The following NINJ2 variants were observed in gnomAD, a reference collection of about 807,000 sequenced individuals.
NINJ2 encodes ninjurin 2, also known as ninjurin-2.
Under a neutral mutation model 11.7 loss-of-function variants are expected in NINJ2, and 12 were observed. That is an observed-to-expected ratio of 1.02 (90% CI 0.66 to 1.66). NINJ2 has a LOEUF of 1.66. NINJ2 is among the 40% of genes most tolerant of loss of function. The pLI, the probability that NINJ2 is intolerant of heterozygous loss-of-function variation, is 0.00. For synonymous variants in NINJ2, 93 were observed against 76.8 expected (o/e 1.21, Z -1.10); for missense variants, 187 against 181.8 (o/e 1.03, Z -0.16).
intron 1 of NINJ2, among the ~76,000 whole-genome samples, chr12:612,857 G>T (rs368733356): frequency 6.6e-6 from 1 of 152,124 alleles, no homozygotes; most frequent in Non-Finnish European, 1.5e-5. Flanking sequence ...GGTCCTCTCC[G>T]TCACTGCAAT....
intron 1 of NINJ2, among the ~76,000 whole-genome samples, chr12:613,389 C>T (rs1948056876): frequency 6.6e-6 from 1 of 151,964 alleles, no homozygotes; most frequent in South Asian, 2.1e-4. Context: ...AGGTGGATCA[C>T]CTGAGGTCAG....
chr12:588,039 T>G (rs1297092044), intron 1 of NINJ2, among the ~76,000 whole-genome samples: 1 of 152,014 alleles, frequency 6.6e-6, no homozygotes, highest in East Asian at 1.9e-4. Flanking sequence ...GCCAACATAG[T>G]CCCCAGACCA....
intron 1 of NINJ2, among the ~76,000 whole-genome samples, chr12:616,182 T>C (rs1187691733): frequency 6.6e-6 from 1 of 152,154 alleles, no homozygotes; most frequent in Admixed American, 6.5e-5. Flanking sequence ...CAAAGTCCTA[T>C]AGTCAGGAAA....
intron 1 of NINJ2, chr12:632,298 CTCTTT>C (rs2120436745): frequency 6.6e-6 from 1 of 152,312 alleles, no homozygotes; most frequent in Admixed American, 6.5e-5. Context: ...GAAAACAAAT[CTCTTT>C]TCTTTGTTTG....
At chr12:652,919 C>T (rs1035349459) in intron 1 of NINJ2, among the ~76,000 whole-genome samples, 8 of 149,670 alleles carry the variant, frequency 5.3e-5, no homozygotes, top group African/African-American at 2.0e-4. Flanking sequence ...TGCACTGCAG[C>T]CTGGGCAACA....
intron 1 of NINJ2, among the ~76,000 whole-genome samples, chr12:661,969 G>A (rs1049836840): frequency 2.0e-5 from 3 of 152,238 alleles, no homozygotes; most frequent in Non-Finnish European, 4.4e-5. Flanking sequence ...TTGTGTCCTA[G>A]TGAGAGTGAC....
At chr12:575,790 C>G (rs1403618992) in intron 1 of NINJ2, among the ~76,000 whole-genome samples, 2 of 152,214 alleles carry the variant, frequency 1.3e-5, no homozygotes, top group East Asian at 3.8e-4. Flanking sequence ...GCTTCAGGCA[C>G]AGTGGCTTCT....
chr12:576,187 C>G (rs1046790260), intron 1 of NINJ2, among the ~76,000 whole-genome samples: 12 of 152,208 alleles, frequency 7.9e-5, no homozygotes, highest in African/African-American at 1.2e-4. Flanking sequence ...GCCCTTGCCC[C>G]GAGCTGCAAA....
chr12:600,975 A>G (rs953923218), intron 1 of NINJ2, among the ~76,000 whole-genome samples: 2 of 152,234 alleles, frequency 1.3e-5, no homozygotes, highest in Non-Finnish European at 2.9e-5. Context: ...TGAACTCTCA[A>G]TAGTTAAAAC....
intron 1 of NINJ2, among the ~76,000 whole-genome samples, chr12:642,050 C>T (rs541346499): frequency 2.0e-5 from 3 of 152,302 alleles, no homozygotes; most frequent in East Asian, 1.9e-4. Flanking sequence ...GCCCGTATTT[C>T]GGTTTGACAG....
chr12:648,692 G>A (rs999034354), intron 1 of NINJ2, among the ~76,000 whole-genome samples: 1 of 152,186 alleles, frequency 6.6e-6, no homozygotes, highest in Admixed American at 6.5e-5. Flanking sequence ...CTTCTGCACA[G>A]GACCTGGAAG....
chr12:589,058 C>G (rs1269828032), intron 1 of NINJ2, among the ~76,000 whole-genome samples: 1 of 152,156 alleles, frequency 6.6e-6, no homozygotes, highest in East Asian at 1.9e-4. Flanking sequence ...AAGTCTCCCA[C>G]AGAAAATGCT....
In NINJ2 at chr12:587,360, G is replaced by A. The variant is rs7974319; in HGVS notation, c.34-21182C>T. Among the ~76,000 whole-genome samples the A allele has an allele frequency of 3.1e-3, 475 of 152,346 alleles. 1 individual carries two copies. The highest frequency in any genetic ancestry group is 0.011 in the African/African-American group (447 of 41,578). On this transcript the variant is annotated intron_variant, in intron 1 of 3. Transcript: ENST00000305108. ...AGCCCCCATGGCGGGAGCAACTCCC[G>A]GTCAAGCGGCGGCAGGAAGTGCCCC...
At chr12:627,683 A>G (rs1187033172) in intron 1 of NINJ2, among the ~76,000 whole-genome samples, 1 of 152,240 alleles carries the variant, frequency 6.6e-6, no homozygotes, top group East Asian at 1.9e-4. Flanking sequence ...GCTTAAGTGG[A>G]ACCAGACTCG....
intron 1 of NINJ2, among the ~76,000 whole-genome samples, chr12:600,973 C>A (rs920934907): frequency 2.6e-5 from 4 of 152,170 alleles, no homozygotes; most frequent in Non-Finnish European, 5.9e-5. Context: ...TCTGAACTCT[C>A]AATAGTTAAA....
Position 663,321 on chromosome 12 carries a change from AACTT to A in NINJ2, c.33+3_33+6del, listed in dbSNP as rs1224264197. On this transcript the variant is annotated splice_donor_5th_base_variant and intron_variant, in intron 1 of 3. Transcript: ENST00000305108. ...CTCCCCTCTGCTCTCTTCCAGAGAG[AACTT>A]ACTTGAAGGTCGATGTTTTCTCTTG... 1.2e-6 allele frequency: 2 copies of A among 1,613,680 alleles called. No homozygotes were observed. The highest frequency in any genetic ancestry group is 1.7e-6 in the Non-Finnish European group (2 of 1,179,702).
At chr12:575,921 G>T (rs933748638) in intron 1 of NINJ2, among the ~76,000 whole-genome samples, 1 of 152,118 alleles carries the variant, frequency 6.6e-6, no homozygotes, top group Non-Finnish European at 1.5e-5. Context: ...CTCAGGGAAT[G>T]AATGACTGGG....
intron 1 of NINJ2, among the ~76,000 whole-genome samples, chr12:578,007 C>T (rs190165029): frequency 2.2e-4 from 34 of 152,248 alleles, no homozygotes; most frequent in Admixed American, 2.1e-3. Context: ...ATGAAATCCA[C>T]GAGCAGACAG....
At chr12:599,757 C>T (rs1305522440) in intron 1 of NINJ2, among the ~76,000 whole-genome samples, 1 of 152,224 alleles carries the variant, frequency 6.6e-6, no homozygotes, top group Non-Finnish European at 1.5e-5. Flanking sequence ...CACGACTGCG[C>T]TTGGCCTACT....
Sources: gnomAD v4.1 joint callset for allele counts (sites outside exome capture counted in the v4.1 genomes callset) on GRCh38, gnomAD v4.1.1 for gene constraint, MANE v1.5 for transcripts, NCBI Gene and HGNC (gene_info 2026-07-23, HGNC 2026-07-21) for gene names.